Variants in HSPA12A observed in about 807,000 individuals in gnomAD.
HSPA12A encodes heat shock 70 kDa protein 12A.
Under a neutral mutation model 69.2 loss-of-function variants are expected in HSPA12A, and 28 were observed. The observed-to-expected ratio is 0.40, with a 90% CI of 0.30 to 0.55. The LOEUF is 0.55. HSPA12A is among the 20% of genes least tolerant of loss of function. HSPA12A has a pLI of 0.38. For synonymous variants in HSPA12A, 345 were observed against 370.5 expected (o/e 0.93, Z 0.79); for missense variants, 686 against 900.7 (o/e 0.76, Z 3.05).
Position 116,740,676 on chromosome 10 carries a change from CTGTGTGTGTGTGTGTGT to C in HSPA12A, c.40+1737_40+1753del, listed in dbSNP as rs1851468841. 1.5e-3 allele frequency among the ~76,000 whole-genome samples: 138 copies of C among 92,228 alleles called. 1 individual carries two copies. The highest frequency in any genetic ancestry group is 5.5e-3 in the African/African-American group (128 of 23,444). The allele number at this position is 92,228 out of a possible 152,430, so 60.5% of individuals were successfully genotyped here. On this transcript the variant is annotated intron_variant, in intron 1 of 11. Coordinates refer to ENST00000369209, the MANE Select transcript of HSPA12A (RefSeq NM_025015.3). ...TGTGTGTGTGTGTGTGTGTGTGTGT[CTGTGTGTGTGTGTGTGT>C]GTGCGTGTGTGTGTGTGTTAGGATA...
chr10:116,767,165 T>A (rs1007992492), intron 2 of HSPA12A, among the ~76,000 whole-genome samples: 7 of 152,108 alleles, frequency 4.6e-5, no homozygotes, highest in African/African-American at 1.7e-4. Flanking sequence ...CCTCTCCTCA[T>A]TGGCCTGGAG....
intron 1 of HSPA12A, among the ~76,000 whole-genome samples, chr10:116,836,253 T>C (rs959963624): frequency 4.6e-5 from 7 of 152,136 alleles, no homozygotes; most frequent in Admixed American, 4.6e-4. Flanking sequence ...GCACATTTTC[T>C]GCAGGTGCCT....
At chr10:116,696,002 C>CAAAAAAAAAAAAAAAAAAAAAAAAAAA (rs71013609) in intron 5 of HSPA12A, among the ~76,000 whole-genome samples, 8 of 32,722 alleles carry the variant, frequency 2.4e-4, no homozygotes, top group East Asian at 9.4e-4. Context: ...GACTCCATCT[C>CAAAAAAAAAAAAAAAAAAAAAAAAAAA]AAAAAAAAAA....
At chr10:116,709,480 C>T in intron 1 of HSPA12A, among the ~76,000 whole-genome samples, 1 of 150,732 alleles carries the variant, frequency 6.6e-6, no homozygotes, top group South Asian at 2.1e-4. Context: ...AGGGATAAAC[C>T]AAATGTGGTA....
At chr10:116,720,691 G>A (rs1850749913) in intron 1 of HSPA12A, among the ~76,000 whole-genome samples, 1 of 152,222 alleles carries the variant, frequency 6.6e-6, no homozygotes, top group Non-Finnish European at 1.5e-5. Context: ...CCTTTGACAG[G>A]AGGGCAAACT....
At chr10:116,846,850 C>A (rs1260976563) in intron 1 of HSPA12A, among the ~76,000 whole-genome samples, 3 of 152,120 alleles carry the variant, frequency 2.0e-5, no homozygotes, top group African/African-American at 7.2e-5. Context: ...ATGAAACATT[C>A]CCAAAAGTCT....
chr10:116,674,760 A>G lies in HSPA12A; in HGVS notation c.*21T>C. ...ATGCAGATAAGTTGAGTCCAAGGGG[A>G]CAGGCAGCGGGGCGGGAGGGTTAGT... is the stretch of plus-strand genomic sequence containing the variant. On this transcript the variant is annotated 3_prime_UTR_variant, in exon 12 of 12. Transcript: ENST00000369209. The G allele has an allele frequency of 6.3e-7, 1 of 1,588,832 alleles. No homozygotes were observed. Among genetic ancestry groups the G allele is most frequent in the Non-Finnish European group, 8.6e-7 (1 of 1,167,880 alleles).
At chr10:116,765,896 T>C (rs1402771556) in intron 2 of HSPA12A, among the ~76,000 whole-genome samples, 3 of 152,360 alleles carry the variant, frequency 2.0e-5, no homozygotes, top group African/African-American at 7.2e-5. Flanking sequence ...TATGCTGTTC[T>C]GCACCTTGGT....
At chr10:116,735,028 T>C (rs1851274989) in intron 1 of HSPA12A, among the ~76,000 whole-genome samples, 1 of 152,170 alleles carries the variant, frequency 6.6e-6, no homozygotes, top group Admixed American at 6.5e-5. Flanking sequence ...TCCTGATCTG[T>C]CAAAGTGCAA....
At chr10:116,716,009 A>G (rs1300465429) in intron 1 of HSPA12A, among the ~76,000 whole-genome samples, 3 of 152,208 alleles carry the variant, frequency 2.0e-5, no homozygotes, top group Non-Finnish European at 4.4e-5. Flanking sequence ...CGCAGATGAC[A>G]AAACAGATGT....
chr10:116,803,225 G>T (rs1844996562), intron 2 of HSPA12A, among the ~76,000 whole-genome samples: 1 of 152,252 alleles, frequency 6.6e-6, no homozygotes, highest in Admixed American at 6.5e-5. Context: ...GGGACGAGAG[G>T]GTGTGCGGAG....
chr10:116,776,452 C>G (rs1438414197), intron 2 of HSPA12A, among the ~76,000 whole-genome samples: 1 of 152,232 alleles, frequency 6.6e-6, no homozygotes, highest in Non-Finnish European at 1.5e-5. Context: ...AAACTCTACG[C>G]TCAAAATCAG....
chr10:116,745,359 C>A (rs1373433011), upstream of HSPA12A, among the ~76,000 whole-genome samples: 1 of 152,208 alleles, frequency 6.6e-6, no homozygotes, highest in Admixed American at 6.5e-5. Context: ...AGGGCACGCC[C>A]AGACTCCTGG....
intron 5 of HSPA12A, among the ~76,000 whole-genome samples, chr10:116,697,864 G>A (rs1413652372): frequency 9.9e-5 from 15 of 152,086 alleles, no homozygotes; most frequent in African/African-American, 3.6e-4. Flanking sequence ...CGCAGAAAAA[G>A]TCTCTGCTTT....
At chr10:116,816,727 T>C (rs1449015005) in intron 2 of HSPA12A, among the ~76,000 whole-genome samples, 2 of 152,278 alleles carry the variant, frequency 1.3e-5, no homozygotes, top group Non-Finnish European at 2.9e-5. Flanking sequence ...CTTTTCAGGG[T>C]GACAAAAGTC....
At chr10:116,759,431 T>A (rs1210061829) in intron 2 of HSPA12A, among the ~76,000 whole-genome samples, 9 of 152,162 alleles carry the variant, frequency 5.9e-5, no homozygotes, top group African/African-American at 2.2e-4. Flanking sequence ...CTCTCCTCAC[T>A]TCTTATTGGA....
upstream of HSPA12A, chr10:116,849,808 T>A: frequency 7.1e-7 from 1 of 1,407,226 alleles, no homozygotes; most frequent in Non-Finnish European, 9.5e-7. Flanking sequence ...GCCTTGCGCC[T>A]GCGCCTGCGC....
intron 2 of HSPA12A, among the ~76,000 whole-genome samples, chr10:116,765,004 T>C (rs375099826): frequency 7.9e-5 from 12 of 152,166 alleles, no homozygotes; most frequent in Non-Finnish European, 1.5e-4. Context: ...TAGTGAAGGA[T>C]TGAATAAATG....
At chr10:116,804,622 C>T (rs1845030634) in intron 2 of HSPA12A, among the ~76,000 whole-genome samples, 1 of 152,168 alleles carries the variant, frequency 6.6e-6, no homozygotes, top group Non-Finnish European at 1.5e-5. Context: ...CTGCGTGTTC[C>T]TACGCAACAA....
Sources: gnomAD v4.1 joint callset for allele counts (sites outside exome capture counted in the v4.1 genomes callset) on GRCh38, gnomAD v4.1.1 for gene constraint, MANE v1.5 for transcripts, NCBI Gene and HGNC (gene_info 2026-07-23, HGNC 2026-07-21) for gene names.